The following PCDHA11 variants were observed in gnomAD, a reference collection of about 807,000 sequenced individuals.
PCDHA11 encodes the protein protocadherin alpha 11, also known as protocadherin alpha-11.
PCDHA11 carries 61 observed loss-of-function variants against 70.3 expected under a neutral mutation model. The observed-to-expected ratio is 0.87, with a 90% CI of 0.71 to 1.07. The LOEUF (loss-of-function observed/expected upper bound fraction) is 1.07. PCDHA11 is among the 50% of genes least tolerant of loss of function. The pLI, the probability that PCDHA11 is intolerant of heterozygous loss-of-function variation, is 0.00. For synonymous variants in PCDHA11, 633 were observed against 555.1 expected, an observed-to-expected ratio of 1.14 and a Z score of -1.97; for missense variants, 1,324 against 1,237.5, an observed-to-expected ratio of 1.07 and a Z score of -1.05.
chr5:140,913,824 TC>T, intron 1 of PCDHA11, among the ~76,000 whole-genome samples: 1 of 152,216 alleles, frequency 6.6e-6, no homozygotes, highest in Middle Eastern at 3.2e-3. Context: ...CTTTTAAATT[TC>T]TTTATTGACC....
chr5:140,883,826 C>G, intron 1 of PCDHA11: 1 of 1,612,622 alleles, frequency 6.2e-7, no homozygotes, highest in South Asian at 1.1e-5. Context: ...GGTGTACGCG[C>G]TGCAGCCGTT....
intron 1 of PCDHA11, among the ~76,000 whole-genome samples, chr5:140,963,141 A>T (rs2095739692): frequency 6.6e-6 from 1 of 152,148 alleles, no homozygotes; most frequent in Non-Finnish European, 1.5e-5. Flanking sequence ...AATTATTTGG[A>T]TGAATTTAAA....
chr5:140,977,890 A>C (rs1554238866), intron 1 of PCDHA11, among the ~76,000 whole-genome samples: 3 of 152,234 alleles, frequency 2.0e-5, no homozygotes, highest in Non-Finnish European at 4.4e-5. Flanking sequence ...AGGAAAATAC[A>C]AAATACAACT....
chr5:140,919,301 A>G (rs1278715166), intron 1 of PCDHA11, among the ~76,000 whole-genome samples: 1 of 152,158 alleles, frequency 6.6e-6, no homozygotes, highest in African/African-American at 2.4e-5. Context: ...CTGTTTGTAC[A>G]ATATATGTTT....
chr5:141,011,822 A>G lies in PCDHA11; in HGVS notation c.*1885A>G, dbSNP rs181852141. 7 of 153,844 alleles carry G rather than the reference A, an allele frequency of 4.6e-5. No homozygotes were observed. The highest frequency in any genetic ancestry group is 1.4e-4 in the African/African-American group (6 of 41,546). The allele number at this position is 153,844 out of a possible 1,614,324, so 9.5% of individuals were successfully genotyped here. A position where few individuals can be genotyped will look rare whatever the true frequency, so the allele number is the denominator to read the frequency against. On this transcript the variant is annotated 3_prime_UTR_variant, in exon 4 of 4. Transcript: ENST00000398640. ...ATATCAGCTCATAGAAAGTAACAAA[A>G]TTTGCTGTCACCTTAAATAAGACAT...
Position 140,938,882 on chromosome 5 carries a change from C to T in PCDHA11, c.2392-40067C>T, listed in dbSNP as rs529115064. On this transcript the variant is annotated intron_variant, in intron 1 of 3. Transcript: ENST00000398640. ...AACTTAAAAGTTAAGAAGCAACACA[C>T]ACACACACAGATGCGCACACACACA... is the stretch of plus-strand genomic sequence containing the variant. Among the ~76,000 whole-genome samples the T allele has an allele frequency of 3.3e-5, 5 of 152,218 alleles. No individual in the cohort carries two copies. The South Asian group carries it at 1.0e-3, about 32-fold the overall frequency.
At position 140,928,256 on chromosome 5, in the gene PCDHA11, CT is replaced by C. The variant is rs1563103175; in HGVS notation, c.2392-50692del. 2.5e-6 allele frequency: 4 copies of C among 1,614,234 alleles called. No homozygotes were observed. The Admixed American group carries it at 6.7e-5, about 27-fold the overall frequency. On this transcript the variant is annotated intron_variant, in intron 1 of 3. Transcript: ENST00000398640. ...CAACCCCAGCAGGAACTTTTCGTTG[CT>C]GAAAACAATGGCCCTGGGGCCTCTC... is the stretch of plus-strand genomic sequence containing the variant.
chr5:140,877,023 G>A (rs1554169254), intron 1 of PCDHA11: 2 of 1,612,456 alleles, frequency 1.2e-6, no homozygotes, highest in Non-Finnish European at 1.7e-6. Flanking sequence ...GCGGCAAGGT[G>A]TACGCGCTGC....
rs557640687 is a variant in PCDHA11 at position 140,964,686 on chromosome 5, C to T, written c.2392-14263C>T. 7.2e-5 allele frequency among the ~76,000 whole-genome samples: 11 copies of T among 151,874 alleles called. No individual in the cohort carries two copies. In the East Asian group the frequency reaches 2.1e-3, roughly 29 times the overall value. On this transcript the variant is annotated intron_variant, in intron 1 of 3. Coordinates refer to ENST00000398640, the MANE Select transcript of PCDHA11 (RefSeq NM_018902.5). ...ACAGGCCAGGTCCACAATTTGTGCA[C>T]TTGAGAGATTAAGGCCTCCGAGATC...
At chr5:140,983,997 G>A (rs1191316440) in intron 3 of PCDHA11, among the ~76,000 whole-genome samples, 1 of 152,194 alleles carries the variant, frequency 6.6e-6, no homozygotes, top group Non-Finnish European at 1.5e-5. Context: ...CAATTCATTA[G>A]AGAGCTAATA....
intron 1 of PCDHA11, among the ~76,000 whole-genome samples, chr5:140,913,855 T>C (rs1554196077): frequency 6.6e-6 from 1 of 152,220 alleles, no homozygotes; most frequent in Admixed American, 6.5e-5. Context: ...TTCAGGAGCA[T>C]ATTGTTTAAT....
chr5:140,920,923 G>T (rs1229531762), intron 1 of PCDHA11, among the ~76,000 whole-genome samples: 1 of 151,200 alleles, frequency 6.6e-6, no homozygotes, highest in Non-Finnish European at 1.5e-5. Flanking sequence ...TCCAAGAGTA[G>T]GTGATCTAGC....
chr5:140,895,920 C>T (rs1347672044), intron 1 of PCDHA11, among the ~76,000 whole-genome samples: 1 of 152,202 alleles, frequency 6.6e-6, no homozygotes, highest in African/African-American at 2.4e-5. Flanking sequence ...CAACAATTAT[C>T]CTGCCTCAGC....
At chr5:140,993,023 G>C (rs2097537603) in intron 3 of PCDHA11, among the ~76,000 whole-genome samples, 1 of 152,146 alleles carries the variant, frequency 6.6e-6, no homozygotes. Flanking sequence ...AGCATCCCCT[G>C]TGGGCTCCGT....
intron 1 of PCDHA11, among the ~76,000 whole-genome samples, chr5:140,873,901 T>A (rs2153302941): frequency 6.6e-6 from 1 of 152,352 alleles, no homozygotes; most frequent in South Asian, 2.1e-4. Context: ...CCTCAGGTGA[T>A]CTGCCTGCCT....
chr5:140,883,453 C>T (rs138388360), intron 1 of PCDHA11: 46 of 1,614,168 alleles, frequency 2.8e-5, no homozygotes, highest in Non-Finnish European at 3.9e-5. Context: ...ATGTCCCCTT[C>T]AAGCTGGTGT....
In PCDHA11 at chr5:140,869,038, C is replaced by A; in HGVS notation, c.-66C>A. 6.5e-7 allele frequency: 1 copy of A among 1,528,506 alleles called. No homozygotes were observed. Among genetic ancestry groups the A allele is most frequent in the South Asian group, 1.3e-5 (1 of 75,504 alleles). The allele number at this position is 1,528,506 out of a possible 1,614,324, so 94.7% of individuals were successfully genotyped here. A position where few individuals can be genotyped will look rare whatever the true frequency, so the allele number is the denominator to read the frequency against. On this transcript the variant is annotated 5_prime_UTR_variant, in exon 1 of 4. It adds an upstream start codon to the 5' untranslated region. Coordinates refer to ENST00000398640, the MANE Select transcript of PCDHA11 (RefSeq NM_018902.5). ...TTAAGAATTCAACGAGATTTTTAAC[C>A]TGAAACTGAAGAATCTGGTACTGTA...
rs797023184 is a variant in PCDHA11 at position 140,941,202 on chromosome 5, CCTTT to C, written c.2392-37739_2392-37736del. The stretch of plus-strand genomic sequence containing the variant: ...TCCTGCTTCTTTTTTTTTCTTTCTT[CCTTT>C]CTTTCTTCCTTTCTTTCTTTCTTTC... On this transcript the variant is annotated intron_variant, in intron 1 of 3. Transcript: ENST00000398640. Among the ~76,000 whole-genome samples, 914 of 122,710 alleles carry C rather than the reference CCTTT, an allele frequency of 7.4e-3. 14 individuals are homozygous for C. The highest frequency in any genetic ancestry group is 0.013 in the African/African-American group (444 of 33,832). The allele number at this position is 122,710 out of a possible 152,430, so 80.5% of individuals were successfully genotyped here. A position where few individuals can be genotyped will look rare whatever the true frequency, so the allele number is the denominator to read the frequency against.
chr5:140,888,819 G>A (rs2061994549), intron 1 of PCDHA11, among the ~76,000 whole-genome samples: 1 of 151,908 alleles, frequency 6.6e-6, no homozygotes, highest in African/African-American at 2.4e-5. Context: ...TGTGATCTGT[G>A]ATCACATCAC....
Sources: allele counts gnomAD v4.1 joint callset (sites outside exome capture counted in the v4.1 genomes callset), GRCh38; gene constraint gnomAD v4.1.1; transcripts MANE v1.5; gene names NCBI Gene and HGNC (gene_info 2026-07-23, HGNC 2026-07-21).